Variants in NME9 observed in about 807,000 individuals in gnomAD.
NME9 encodes the protein NME/NM23 family member 9, also known as thioredoxin domain-containing protein 6.
In NME9, 48 loss-of-function variants were observed where a neutral mutation model predicts 44.4. The observed-to-expected ratio is 1.08, with a 90% CI of 0.86 to 1.37. NME9 has a LOEUF of 1.37. Ranked by LOEUF, NME9 falls within the 40% of genes most tolerant of loss-of-function variation. The pLI, the probability that NME9 is intolerant of heterozygous loss-of-function variation, is 0.00. For synonymous variants in NME9, 139 were observed against 147.1 expected, an observed-to-expected ratio of 0.94 and a Z score of 0.40; for missense variants, 325 against 405.2, an observed-to-expected ratio of 0.80 and a Z score of 1.70.
At chr3:138,313,320 A>T (rs1228064421) in intron 6 of NME9, among the ~76,000 whole-genome samples, 1 of 152,176 alleles carries the variant, frequency 6.6e-6, no homozygotes, top group African/African-American at 2.4e-5. Flanking sequence ...TGAACCTGGG[A>T]GGCAGAGGTT....
At chr3:138,305,889 T>G (rs1474076782) in intron 8 of NME9, 115 bp downstream of exon 8, 4 of 743,778 alleles carry the variant, frequency 5.4e-6, no homozygotes, top group Non-Finnish European at 9.6e-6. Context: ...CACTTGCTGT[T>G]CCTATTTTGG....
At position 138,280,131 on chromosome 3, in the gene NME9, T is replaced by G. The variant is rs185599984; in HGVS notation, c.746-17545A>C. Among the ~76,000 whole-genome samples the G allele has an allele frequency of 6.6e-5, 10 of 152,192 alleles. No homozygotes were observed. The East Asian group carries it at 1.9e-3, about 29-fold the overall frequency. On this transcript the variant is annotated intron_variant, in intron 8 of 8. Transcript: ENST00000317876. ...GTTGGCCAGGCTGGGCTCAAACTCC[T>G]GACCTCAGCTGATCTGCCCACCTCG... is the stretch of plus-strand genomic sequence containing the variant.
At chr3:138,298,843 C>G (rs2051698092), downstream of NME9, among the ~76,000 whole-genome samples, 1 of 152,200 alleles carries the variant, frequency 6.6e-6, no homozygotes, top group Non-Finnish European at 1.5e-5. Context: ...ATCTCAAGGC[C>G]TCACTGGAAA....
downstream of NME9, among the ~76,000 whole-genome samples, chr3:138,300,567 A>T (rs1434055096): frequency 6.6e-6 from 1 of 152,228 alleles, no homozygotes; most frequent in East Asian, 1.9e-4. Context: ...CCAAGTGGTC[A>T]TAATAGCTAC....
chr3:138,263,407 A>C, intron 8 of NME9: 1 of 254,548 alleles, frequency 3.9e-6, no homozygotes. Context: ...GCCCAATGAG[A>C]GTTCATTTAT....
chr3:138,318,332 A>G, intron 3 of NME9, 113 bp from the exon 4 acceptor site: 1 of 733,722 alleles, frequency 1.4e-6, no homozygotes, highest in Admixed American at 2.0e-5. Context: ...TTCCCCAGGT[A>G]GAGCCCCGAT....
chr3:138,278,222 G>A (rs915800790), intron 8 of NME9, among the ~76,000 whole-genome samples: 3 of 151,896 alleles, frequency 2.0e-5, no homozygotes, highest in Non-Finnish European at 4.4e-5. Context: ...ATATACATTT[G>A]GTAGGCCAGG....
intron 8 of NME9, among the ~76,000 whole-genome samples, chr3:138,282,679 C>T (rs934437174): frequency 2.0e-5 from 3 of 150,418 alleles, no homozygotes; most frequent in African/African-American, 7.3e-5. Context: ...TATTTAATTA[C>T]CTTATCCTGT....
chr3:138,320,587 C>T (rs915729279), intron 2 of NME9, among the ~76,000 whole-genome samples: 8 of 152,268 alleles, frequency 5.3e-5, no homozygotes, highest in African/African-American at 9.6e-5. Flanking sequence ...ACAATATAAA[C>T]TGTCATCACT....
intron 8 of NME9, chr3:138,262,614 T>G: frequency 6.8e-7 from 1 of 1,461,234 alleles, no homozygotes; most frequent in African/African-American, 1.4e-5. Flanking sequence ...AAAAAAAAAA[T>G]TTAGGTGCCT....
Position 138,301,209 on chromosome 3 carries a change from T to TTAC in NME9, c.*430_*431insGTA. On this transcript the variant is annotated 3_prime_UTR_variant, in exon 11 of 11. Coordinates refer to ENST00000333911, the MANE Select transcript of NME9 (RefSeq NM_001349018.2). The stretch of plus-strand genomic sequence containing the variant: ...CTATTCTCTTTCTTTACTTTTTTTT[T>TTAC]TATTATTATTATTAAGATGGAGTCT... The TTAC allele has an allele frequency of 1.4e-6, 1 of 722,080 alleles. No homozygotes were observed. The highest frequency in any genetic ancestry group is 1.7e-6 in the Non-Finnish European group (1 of 590,032). 44.7% of individuals were successfully genotyped at this position (722,080 alleles called of 1,614,324 possible).
chr3:138,275,076 A>G (rs1313090611), intron 8 of NME9, among the ~76,000 whole-genome samples: 2 of 152,218 alleles, frequency 1.3e-5, no homozygotes, highest in African/African-American at 2.4e-5. Flanking sequence ...TGCATTTATC[A>G]GGACAGTTGG....
At chr3:138,278,572 C>G (rs947415044) in intron 8 of NME9, among the ~76,000 whole-genome samples, 1 of 151,738 alleles carries the variant, frequency 6.6e-6, no homozygotes, top group Non-Finnish European at 1.5e-5. Flanking sequence ...TACTGTATTT[C>G]ATAATTCTGT....
chr3:138,278,073 A>G (rs1018643554), intron 8 of NME9, among the ~76,000 whole-genome samples: 1 of 152,238 alleles, frequency 6.6e-6, no homozygotes, highest in African/African-American at 2.4e-5. Context: ...GAGACAGAGA[A>G]CAAATCAAAG....
intron 8 of NME9, chr3:138,264,330 A>G: frequency 1.5e-6 from 1 of 683,270 alleles, no homozygotes; most frequent in Non-Finnish European, 2.5e-6. Flanking sequence ...AGCATTTTGA[A>G]CGTTTATCTC....
At chr3:138,310,560 A>G (rs144161895) in intron 6 of NME9, among the ~76,000 whole-genome samples, 2 of 152,184 alleles carry the variant, frequency 1.3e-5, no homozygotes, top group Admixed American at 6.5e-5. Context: ...GAAATCATAT[A>G]TATCTTTTCT....
intron 8 of NME9, among the ~76,000 whole-genome samples, chr3:138,268,840 G>C (rs1371952834): frequency 6.6e-6 from 1 of 151,976 alleles, no homozygotes; most frequent in Non-Finnish European, 1.5e-5. Flanking sequence ...TGCTATAAGA[G>C]CATTTTTTTT....
intron 8 of NME9, among the ~76,000 whole-genome samples, chr3:138,286,708 G>T (rs2050452584): frequency 6.6e-6 from 1 of 152,020 alleles, no homozygotes; most frequent in African/African-American, 2.4e-5. Context: ...ATCACTGGGT[G>T]GTTCTTACGT....
chr3:138,307,870 G>A (rs2052390822), intron 6 of NME9, among the ~76,000 whole-genome samples: 1 of 152,194 alleles, frequency 6.6e-6, no homozygotes, highest in Non-Finnish European at 1.5e-5. Flanking sequence ...ATCCCATTCT[G>A]CAGAAAAATC....
Sources: gnomAD v4.1 joint callset for allele counts (sites outside exome capture counted in the v4.1 genomes callset) on GRCh38, gnomAD v4.1.1 for gene constraint, MANE v1.5 for transcripts, NCBI Gene and HGNC (gene_info 2026-07-23, HGNC 2026-07-21) for gene names.